Variants in CTNNA2 observed in about 807,000 individuals in gnomAD.
The protein encoded by CTNNA2 is catenin alpha-2.
Under a neutral mutation model 101.0 loss-of-function variants are expected in CTNNA2, and 42 were observed. That is an observed-to-expected ratio of 0.42 (90% CI 0.32 to 0.54). The LOEUF (loss-of-function observed/expected upper bound fraction) is 0.54. Among genes scored for constraint, CTNNA2 ranks in the 20% least tolerant of loss-of-function variants. The pLI is 0.14. For synonymous variants in CTNNA2, 450 were observed against 456.4 expected (o/e 0.99, Z 0.18); for missense variants, 871 against 1,223.1 (o/e 0.71, Z 4.29).
At chr2:79,589,038 A>G (rs922752532) in intron 1 of CTNNA2, among the ~76,000 whole-genome samples, 74 of 152,356 alleles carry the variant, frequency 4.9e-4, no homozygotes, top group African/African-American at 1.8e-3. Flanking sequence ...AGTGGGAATA[A>G]CTGAAGGGCA....
chr2:80,076,001 G>T (rs2148791629), intron 7 of CTNNA2, among the ~76,000 whole-genome samples: 1 of 151,574 alleles, frequency 6.6e-6, no homozygotes, highest in African/African-American at 2.4e-5. Flanking sequence ...TGCCAGCTAA[G>T]GACCTACTTT....
chr2:79,942,735 G>T (rs1034684289), intron 7 of CTNNA2, among the ~76,000 whole-genome samples: 1 of 152,050 alleles, frequency 6.6e-6, no homozygotes, highest in Non-Finnish European at 1.5e-5. Context: ...GATTAATTAG[G>T]ACCCCTATCT....
chr2:80,287,860 G>A (rs1290090026), intron 7 of CTNNA2, among the ~76,000 whole-genome samples: 1 of 152,136 alleles, frequency 6.6e-6, no homozygotes, highest in African/African-American at 2.4e-5. Context: ...CTTCGATAGG[G>A]TACAAATGTA....
chr2:80,048,372 G>T (rs1186966015), intron 7 of CTNNA2, among the ~76,000 whole-genome samples: 1 of 152,188 alleles, frequency 6.6e-6, no homozygotes, highest in Non-Finnish European at 1.5e-5. Context: ...GGGCAGTGAT[G>T]ATAGAAAGGA....
chr2:79,463,718 C>A (rs1223074730), intron 4 of CTNNA2, among the ~76,000 whole-genome samples: 5 of 152,138 alleles, frequency 3.3e-5, no homozygotes, highest in Non-Finnish European at 7.3e-5. Flanking sequence ...GCCTGAAGTT[C>A]TCAACAGATC....
intron 2 of CTNNA2, among the ~76,000 whole-genome samples, chr2:79,698,640 G>T (rs2104742404): frequency 6.6e-6 from 1 of 152,142 alleles, no homozygotes; most frequent in Non-Finnish European, 1.5e-5. Context: ...AAAATTGTTT[G>T]CTAGTTCACT....
intron 7 of CTNNA2, among the ~76,000 whole-genome samples, chr2:80,249,566 T>C: frequency 6.6e-6 from 1 of 152,234 alleles, no homozygotes; most frequent in Middle Eastern, 3.2e-3. Context: ...AAACTACTAT[T>C]ATTATATTAA....
intron 4 of CTNNA2, among the ~76,000 whole-genome samples, chr2:79,463,044 C>A (rs1045416301): frequency 1.3e-5 from 2 of 152,142 alleles, no homozygotes; most frequent in African/African-American, 4.8e-5. Context: ...GATAACTTCT[C>A]TATTCTATTA....
At chr2:79,861,601 A>G (rs1235284444) in intron 4 of CTNNA2, among the ~76,000 whole-genome samples, 1 of 152,234 alleles carries the variant, frequency 6.6e-6, no homozygotes, top group Non-Finnish European at 1.5e-5. Context: ...CAGATAACAC[A>G]TAGGTATCTT....
intron 17 of CTNNA2, among the ~76,000 whole-genome samples, chr2:80,617,503 C>T (rs1389609249): frequency 6.6e-6 from 1 of 151,758 alleles, no homozygotes; most frequent in Non-Finnish European, 1.5e-5. Context: ...GTATCATTGC[C>T]TCTTCTGTTA....
At chr2:79,431,370 T>G (rs1026949027) in intron 4 of CTNNA2, among the ~76,000 whole-genome samples, 17 of 152,228 alleles carry the variant, frequency 1.1e-4, no homozygotes, top group African/African-American at 4.1e-4. Context: ...ACAGCAAAGG[T>G]TGATTGTTGC....
intron 2 of CTNNA2, among the ~76,000 whole-genome samples, chr2:79,727,582 T>TTAG (rs1309332390): frequency 6.6e-6 from 1 of 151,978 alleles, no homozygotes. Context: ...TTATTTTATT[T>TTAG]TATTATTATT....
intron 1 of CTNNA2, among the ~76,000 whole-genome samples, chr2:79,517,221 T>C (rs911328637): frequency 1.3e-5 from 2 of 152,208 alleles, no homozygotes; most frequent in Non-Finnish European, 2.9e-5. Context: ...ATAAAATCTT[T>C]ATCCAACAGC....
At chr2:80,365,212 A>C (rs941949512) in intron 7 of CTNNA2, among the ~76,000 whole-genome samples, 2 of 152,106 alleles carry the variant, frequency 1.3e-5, no homozygotes, top group Non-Finnish European at 2.9e-5. Context: ...GTGCAATTCC[A>C]ATCAACTCTA....
intron 7 of CTNNA2, among the ~76,000 whole-genome samples, chr2:80,335,081 G>C (rs1435929728): frequency 1.3e-5 from 2 of 152,206 alleles, no homozygotes; most frequent in Non-Finnish European, 2.9e-5. Context: ...TTGCATATAA[G>C]GTTCCATCTC....
In CTNNA2 at chr2:79,971,020, T is replaced by C. The variant is rs138891638; in HGVS notation, c.1056+61223T>C. On this transcript the variant is annotated intron_variant, in intron 7 of 18. Coordinates refer to ENST00000402739, the MANE Select transcript of CTNNA2 (RefSeq NM_001282597.3). ...AATGGCTTCTGTAGTCTAGCTGATA[T>C]TGGGGCCAGAAACACTGGCCCAAGA... Among the ~76,000 whole-genome samples, 95 of 152,280 alleles carry C rather than the reference T, an allele frequency of 6.2e-4. 1 individual carries two copies. Among genetic ancestry groups the C allele is most frequent in the African/African-American group, 2.1e-3 (88 of 41,564 alleles).
chr2:80,224,595 C>A (rs1708765346), intron 7 of CTNNA2, among the ~76,000 whole-genome samples: 1 of 152,086 alleles, frequency 6.6e-6, no homozygotes, highest in Non-Finnish European at 1.5e-5. Context: ...CATGTGCCTG[C>A]CACCATGCCC....
chr2:80,250,182 G>GA (rs1264168003), intron 7 of CTNNA2, among the ~76,000 whole-genome samples: 2 of 142,038 alleles, frequency 1.4e-5, no homozygotes, highest in African/African-American at 2.7e-5. Flanking sequence ...ATGGATGGGG[G>GA]GAGAGAGAGA....
intron 1 of CTNNA2, among the ~76,000 whole-genome samples, chr2:79,538,318 G>A (rs1011221251): frequency 6.6e-5 from 10 of 151,724 alleles, no homozygotes; most frequent in Non-Finnish European, 1.3e-4. Flanking sequence ...ACCTTATACC[G>A]CCTGTAATTT....
Sources: allele counts gnomAD v4.1 joint callset (sites outside exome capture counted in the v4.1 genomes callset), GRCh38; gene constraint gnomAD v4.1.1; transcripts MANE v1.5; gene names NCBI Gene and HGNC (gene_info 2026-07-23, HGNC 2026-07-21).